Variants in DDX51 observed in about 807,000 individuals in gnomAD.
The protein encoded by DDX51 is ATP-dependent RNA helicase DDX51.
A neutral mutation model predicts 74.6 loss-of-function variants in DDX51; 67 were observed. That is an observed-to-expected ratio of 0.90 (90% CI 0.74 to 1.10). The LOEUF is 1.10. Among genes scored for constraint, DDX51 ranks in the 50% least tolerant of loss-of-function variants. DDX51 has a pLI of 0.00. For missense variants in DDX51, 1,056 were observed against 905.2 expected (o/e 1.17, Z -2.14); for synonymous variants, 545 against 402.9 (o/e 1.35, Z -4.22).
At chr12:132,141,813 G>A (rs1410160514) in intron 6 of DDX51, 37 bp downstream of exon 6, 1 of 1,605,444 alleles carries the variant, frequency 6.2e-7, no homozygotes, top group Non-Finnish European at 8.5e-7. Context: ...GGCTGAGCAG[G>A]GACCCCCTGA....
At position 132,141,379 on chromosome 12, in the gene DDX51, C is replaced by T. The variant is rs1333617687; in HGVS notation, c.1146G>A (p.Gln382=). Residue 382 remains glutamine, a synonymous_variant, in exon 8 of 15, where the codon CAG becomes CAA. Coordinates refer to ENST00000397333, the MANE Select transcript of DDX51 (RefSeq NM_175066.4). ...CCGCCACCACCCGCGGCAGCCAGGA[C>T]TGATGCATGCTGTCAATCATCCGGT... The part of the protein sequence containing the change: ...EADRMIDSMH[Q]SWLPRVVAAA... 2 of 1,597,774 alleles carry T rather than the reference C, an allele frequency of 1.3e-6. No homozygotes were observed. The highest frequency in any genetic ancestry group is 1.7e-6 in the Non-Finnish European group (2 of 1,179,294).
intron 2 of DDX51, 132 bp downstream of exon 2, chr12:132,143,563 G>C: frequency 8.1e-7 from 1 of 1,231,066 alleles, no homozygotes; most frequent in Non-Finnish European, 1.1e-6. Context: ...TGAAACTGCA[G>C]ACCTGGCAGC....
In DDX51 at chr12:132,138,317, G is replaced by C. The variant is rs1006445207; in HGVS notation, c.*955C>G. ...GTCACAAGGTTCACAAATCTGGGGA[G>C]GAGAGCTTTTTTTTTGACGGAGTCT... On this transcript the variant is annotated 3_prime_UTR_variant, in exon 15 of 15. Transcript: ENST00000397333. 6.6e-6 allele frequency: 1 copy of C among 152,314 alleles called. No homozygotes were observed. The highest frequency in any genetic ancestry group is 2.4e-5 in the African/African-American group (1 of 41,442). The allele number at this position is 152,314 out of a possible 1,614,324, so 9.4% of individuals were successfully genotyped here.
At chr12:132,142,617 A>G in intron 3 of DDX51, 111 bp downstream of exon 3, 1 of 1,513,074 alleles carries the variant, frequency 6.6e-7, no homozygotes, top group Admixed American at 1.9e-5. Context: ...GAGTGCTGAG[A>G]CCACACTTGG....
Position 132,141,488 on chromosome 12 carries a change from G to A in DDX51, c.1104+10C>T, listed in dbSNP as rs750284793. 46 of 1,585,452 alleles carry A rather than the reference G, an allele frequency of 2.9e-5. No individual in the cohort carries two copies. In the Middle Eastern group the frequency reaches 5.0e-4, roughly 17 times the overall value. On this transcript the variant is annotated intron_variant, in intron 7 of 14. Coordinates refer to ENST00000397333, the MANE Select transcript of DDX51 (RefSeq NM_175066.4). The stretch of plus-strand genomic sequence containing the variant: ...AGCTCAAAGCCCAGGCCCCTGGGGC[G>A]GGGACCTACCAGGAAGCGGAGCTGC...
Position 132,144,135 on chromosome 12 carries a change from G to C in DDX51, c.162C>G (p.Thr54=). The C allele has an allele frequency of 8.4e-7, 1 of 1,193,002 alleles. No individual in the cohort carries two copies. Among genetic ancestry groups the C allele is most frequent in the Non-Finnish European group, 1.0e-6 (1 of 964,084 alleles). The allele number at this position is 1,193,002 out of a possible 1,614,324, so 73.9% of individuals were successfully genotyped here. A position where few individuals can be genotyped will look rare whatever the true frequency, so the allele number is the denominator to read the frequency against. Residue 54 remains threonine, a synonymous_variant, in exon 1 of 15, where the codon ACC becomes ACG. Transcript: ENST00000397333. ...CCGGCTCGGTCGATGCAGCCGCCTC[G>C]GTCTGCGCGGGCTCCCGCTGCTGCT... The part of the protein sequence containing the change: ...ERQQQREPAQ[T]EAAASTEPAT...
rs368583749 is a variant in DDX51, at chr12:132,140,498, G to A, written c.1598C>T (p.Ala533Val). Residue 533 changes from alanine to valine, a missense_variant, in exon 11 of 15, where the codon GCT (alanine) becomes GTT (valine). Physicochemically the swap from Ala to Val is moderately conservative, Grantham distance 64 (BLOSUM62 0). Transcript: ENST00000397333. ...LVQAFGGVDV[A>V]EFSSRYGPGQ... is the part of the protein sequence containing the mutation. ...AGGCCCGTAGCGCGAGGAGAACTCA[G>A]CCACGTCCACACCCCCAAAAGCTTG... 1.2e-5 allele frequency: 19 copies of A among 1,613,016 alleles called. No homozygotes were observed. In the African/African-American group the frequency reaches 2.5e-4, roughly 22 times the overall value.
At position 132,143,764 on chromosome 12, in the gene DDX51, C is replaced by CA; in HGVS notation, c.449dup (p.Glu151GlyfsTer34). ...GGACCAGGGGTCCGGCCGCCTCCTC[C>CA]AGGGCCGGTCCATCTGGGGCCGCCT... is the stretch of plus-strand genomic sequence containing the variant. On this transcript the variant is annotated frameshift_variant, in exon 2 of 15. Transcript: ENST00000397333. LOFTEE classifies it high-confidence loss of function. 1 of 1,524,384 alleles carries CA rather than the reference C, an allele frequency of 6.6e-7. No individual in the cohort carries two copies. Among genetic ancestry groups the CA allele is most frequent in the Non-Finnish European group, 8.8e-7 (1 of 1,139,572 alleles). 94.4% of individuals were successfully genotyped at this position (1,524,384 alleles called of 1,614,324 possible).
chr12:132,142,647 C>T (rs1486682731), intron 3 of DDX51, 81 bp downstream of exon 3: 3 of 1,568,394 alleles, frequency 1.9e-6, no homozygotes, highest in Non-Finnish European at 2.6e-6. Context: ...GGCAGGGACG[C>T]CTGACCCACG....
Position 132,137,816 on chromosome 12 carries a change from C to A in DDX51, c.*1456G>T, listed in dbSNP as rs1897307614. 1 of 152,246 alleles carries A rather than the reference C, an allele frequency of 6.6e-6. No homozygotes were observed. The allele number at this position is 152,246 out of a possible 1,614,324, so 9.4% of individuals were successfully genotyped here. A position where few individuals can be genotyped will look rare whatever the true frequency, so the allele number is the denominator to read the frequency against. On this transcript the variant is annotated 3_prime_UTR_variant, in exon 15 of 15. Coordinates refer to ENST00000397333, the MANE Select transcript of DDX51 (RefSeq NM_175066.4). Reference sequence around the variant, plus strand: ...AGAGGTGAGCAGCCATCACCACACACAACCTAAGAACATTTTCATCATCCC... The same window carrying A: ...AGAGGTGAGCAGCCATCACCACACAAAACCTAAGAACATTTTCATCATCCC...
Position 132,139,132 on chromosome 12 carries a change from A to G in DDX51, c.*140T>C, listed in dbSNP as rs954170020. 4 of 1,326,236 alleles carry G rather than the reference A, an allele frequency of 3.0e-6. No individual in the cohort carries two copies. The highest frequency in any genetic ancestry group is 1.5e-5 in the African/African-American group (1 of 68,892). The allele number at this position is 1,326,236 out of a possible 1,614,324, so 82.2% of individuals were successfully genotyped here. On this transcript the variant is annotated 3_prime_UTR_variant, in exon 15 of 15. Transcript: ENST00000397333. ...CTCTGACGCCCGGGCTGCCTGGCGC[A>G]GAGACCACGTGCTTGGGGAGGAAGG...
rs1238370139 is a variant in DDX51 at position 132,138,419 on chromosome 12, TCTC to T, written c.*850_*852del. On this transcript the variant is annotated 3_prime_UTR_variant, in exon 15 of 15. Coordinates refer to ENST00000397333, the MANE Select transcript of DDX51 (RefSeq NM_175066.4). ...GCTCCGCCTCCCGGGTTCACGCCAT[TCTC>T]CTGCCTCAGCCTCCCGAGTAGCTGG... 6.6e-6 allele frequency: 1 copy of T among 150,860 alleles called. No individual in the cohort carries two copies. Among genetic ancestry groups the T allele is most frequent in the Non-Finnish European group, 1.5e-5 (1 of 67,882 alleles). The allele number at this position is 150,860 out of a possible 1,614,324, so 9.3% of individuals were successfully genotyped here. A position where few individuals can be genotyped will look rare whatever the true frequency, so the allele number is the denominator to read the frequency against.
rs201900382 is a variant in DDX51 at position 132,141,426 on chromosome 12, G to A, written c.1105-6C>T. ...CGGTCAGCCTCGTCGATAATCTGCAGGAGACAGGGAGCCCGGGACTGGGTG... is the reference window on the plus strand; with the variant it reads ...CGGTCAGCCTCGTCGATAATCTGCAAGAGACAGGGAGCCCGGGACTGGGTG... On this transcript the variant is annotated splice_region_variant and splice_polypyrimidine_tract_variant and intron_variant, in intron 7 of 14. Transcript: ENST00000397333. 5.8e-5 allele frequency: 92 copies of A among 1,588,274 alleles called. No individual in the cohort carries two copies. The highest frequency in any genetic ancestry group is 1.7e-4 in the Admixed American group (10 of 59,384).
chr12:132,141,818 C>T, intron 6 of DDX51, 32 bp downstream of exon 6: 4 of 1,608,656 alleles, frequency 2.5e-6, no homozygotes, highest in Non-Finnish European at 3.4e-6. Flanking sequence ...AGCAGGGACC[C>T]CCTGAAAAAC....
At position 132,140,923 on chromosome 12, in the gene DDX51, G is replaced by A. The variant is rs865843169; in HGVS notation, c.1348C>T (p.Arg450Trp). 6 of 1,613,326 alleles carry A rather than the reference G, an allele frequency of 3.7e-6. No individual in the cohort carries two copies. Among genetic ancestry groups the A allele is most frequent in the South Asian group, 1.1e-5 (1 of 91,088 alleles). ...TGTGCTAGCCCTGTGGAGAAAAGCC[G>A]GGGCTGGTGGAGGCCCAGCTGCTGC... The part of the protein sequence containing the change: ...KLQQLGLHQP[R>W]LFSTGLAHRG... Residue 450 changes from arginine (R) to tryptophan (W), a missense_variant, in exon 9 of 15, where the codon CGG becomes TGG. Coordinates refer to ENST00000397333, the MANE Select transcript of DDX51 (RefSeq NM_175066.4).
rs374721055 is a variant in DDX51 at position 132,141,898 on chromosome 12, G to A, written c.947C>T (p.Thr316Met). The change falls in exon 6 of 15, where the codon ACG (threonine) becomes ATG (methionine). Residue 316 changes from threonine to methionine, a missense_variant. By Grantham distance (81) the Thr-to-Met change is moderately conservative. Coordinates refer to ENST00000397333, the MANE Select transcript of DDX51 (RefSeq NM_175066.4). ...DATPLRVSLV[T>M]GQKSLAKEQE... ...CTCCTTGGCCAGAGACTTCTGTCCCGTAACCAGGGAGACTCTCAGAGGTGT... is the reference window on the plus strand; with the variant it reads ...CTCCTTGGCCAGAGACTTCTGTCCCATAACCAGGGAGACTCTCAGAGGTGT... 4.7e-5 allele frequency: 76 copies of A among 1,613,214 alleles called. 1 individual carries two copies. The highest frequency in any genetic ancestry group is 8.8e-5 in the South Asian group (8 of 91,092).
rs1283128259 is a variant in DDX51 at position 132,139,166 on chromosome 12, A to G, written c.*106T>C. On this transcript the variant is annotated 3_prime_UTR_variant, in exon 15 of 15. Coordinates refer to ENST00000397333, the MANE Select transcript of DDX51 (RefSeq NM_175066.4). The stretch of plus-strand genomic sequence containing the variant: ...GTGCTTGGGGAGGAAGGCTGTGTCC[A>G]CTGGGGGATTCCTTTCCTCACATAC... 1.3e-6 allele frequency: 2 copies of G among 1,486,012 alleles called. No individual in the cohort carries two copies. The highest frequency in any genetic ancestry group is 2.5e-5 in the East Asian group (1 of 40,736). The allele number at this position is 1,486,012 out of a possible 1,614,324, so 92.1% of individuals were successfully genotyped here.
At chr12:132,140,369 C>T (rs1897399540) in intron 11 of DDX51, 54 bp downstream of exon 11, 18 of 1,598,386 alleles carry the variant, frequency 1.1e-5, no homozygotes, top group Non-Finnish European at 1.5e-5. Flanking sequence ...CCAGGCTGAC[C>T]CTGGAGTGGG....
At chr12:132,143,572 G>T (rs1275611184) in intron 2 of DDX51, 123 bp downstream of exon 2, 2 of 1,301,662 alleles carry the variant, frequency 1.5e-6, no homozygotes, top group African/African-American at 1.5e-5. Context: ...AGACCTGGCA[G>T]CGAGGCGCGG....
Sources: allele counts gnomAD v4.1 joint callset, GRCh38; gene constraint gnomAD v4.1.1; transcripts MANE v1.5; gene names NCBI Gene and HGNC (gene_info 2026-07-23, HGNC 2026-07-21).